The following COL5A2 variants were observed in gnomAD, a reference collection of about 807,000 sequenced individuals.
COL5A2 encodes collagen type V alpha 2 chain, also known as collagen alpha-2(V) chain.
Under a neutral mutation model 208.2 loss-of-function variants are expected in COL5A2, and 23 were observed. The observed-to-expected ratio is 0.11, with a 90% CI of 0.08 to 0.16. The LOEUF (loss-of-function observed/expected upper bound fraction) is 0.16, where lower values mean the gene tolerates loss of function less well. Among genes scored for constraint, COL5A2 ranks in the 10% least tolerant of loss-of-function variants. The pLI is 1.00. For missense variants in COL5A2, 1,590 were observed against 1,956.4 expected (o/e 0.81, Z 3.53); for synonymous variants, 625 against 628.5 (o/e 0.99, Z 0.08).
At chr2:189,077,164 T>C (rs536838185) in intron 16 of COL5A2, among the ~76,000 whole-genome samples, 1 of 152,232 alleles carries the variant, frequency 6.6e-6, no homozygotes, top group Admixed American at 6.5e-5. Context: ...TAGTTGGTAG[T>C]TCTCTCTTGT....
chr2:189,044,902 C>T (rs180755716), intron 47 of COL5A2, among the ~76,000 whole-genome samples: 2 of 152,150 alleles, frequency 1.3e-5, no homozygotes, highest in Admixed American at 1.3e-4. Context: ...GAGAAATGCA[C>T]TATAATTCCT....
the COL5A2 span, among the ~76,000 whole-genome samples, chr2:189,255,321 A>G: frequency 6.6e-6 from 1 of 152,240 alleles, no homozygotes; most frequent in African/African-American, 2.4e-5. Flanking sequence ...ACATTTGTGT[A>G]GTCATTCAAC....
the COL5A2 span, among the ~76,000 whole-genome samples, chr2:189,376,773 C>T: frequency 6.6e-6 from 1 of 152,086 alleles, no homozygotes; most frequent in African/African-American, 2.4e-5. Flanking sequence ...TTGACACAGG[C>T]AAAGCACTTA....
intron 6 of COL5A2, among the ~76,000 whole-genome samples, chr2:189,096,563 A>G (rs1686915612): frequency 6.8e-6 from 1 of 147,326 alleles, no homozygotes; most frequent in Admixed American, 6.9e-5. Flanking sequence ...CGGAGCTTGC[A>G]GTGAGCCGAG....
the COL5A2 span, among the ~76,000 whole-genome samples, chr2:189,417,118 A>G: frequency 6.6e-6 from 1 of 152,274 alleles, no homozygotes; most frequent in African/African-American, 2.4e-5. Flanking sequence ...TAAATTTTAA[A>G]CGTTCTTCTA....
At chr2:189,345,950 A>G in the COL5A2 span, among the ~76,000 whole-genome samples, 6 of 152,350 alleles carry the variant, frequency 3.9e-5, 1 homozygote, top group African/African-American at 1.4e-4. Flanking sequence ...GGATGTATGA[A>G]TAAATATTAA....
chr2:189,256,683 G>T, the COL5A2 span, among the ~76,000 whole-genome samples: 1 of 151,942 alleles, frequency 6.6e-6, no homozygotes, highest in African/African-American at 2.4e-5. Context: ...ATAGAGTCTC[G>T]CTCTGTTGCC....
intron 32 of COL5A2, 66 bp from the exon 33 acceptor site, chr2:189,058,593 G>A: frequency 1.4e-6 from 2 of 1,407,390 alleles, no homozygotes; most frequent in Non-Finnish European, 1.0e-6. Context: ...AAATGTTTCT[G>A]AGAAATGGCT....
intron 1 of COL5A2, among the ~76,000 whole-genome samples, chr2:189,143,992 T>C (rs1687989838): frequency 6.6e-6 from 1 of 152,072 alleles, no homozygotes; most frequent in African/African-American, 2.4e-5. Context: ...ATCGCCAGGG[T>C]AGAATTTTAA....
At chr2:189,105,669 T>C (rs892722993) in intron 2 of COL5A2, among the ~76,000 whole-genome samples, 2 of 151,488 alleles carry the variant, frequency 1.3e-5, no homozygotes, top group Non-Finnish European at 3.0e-5. Context: ...CAAATGTTTA[T>C]TATTTTTGTA....
At chr2:189,250,036 A>C in the COL5A2 span, among the ~76,000 whole-genome samples, 15 of 152,320 alleles carry the variant, frequency 9.8e-5, 1 homozygote, top group East Asian at 2.7e-3. Flanking sequence ...TATGGTTGTA[A>C]ATGAAGAAGG....
intron 1 of COL5A2, among the ~76,000 whole-genome samples, chr2:189,211,398 C>T (rs1689211331): frequency 6.6e-6 from 1 of 152,098 alleles, no homozygotes; most frequent in Non-Finnish European, 1.5e-5. Flanking sequence ...CTTTTCTCAC[C>T]TTAAGTTTAA....
At chr2:189,253,607 G>A in the COL5A2 span, among the ~76,000 whole-genome samples, 1 of 152,108 alleles carries the variant, frequency 6.6e-6, no homozygotes, top group Admixed American at 6.6e-5. Flanking sequence ...TCTTCATGCC[G>A]TCTCTTTCAG....
the COL5A2 span, among the ~76,000 whole-genome samples, chr2:189,241,328 AT>A: frequency 5.7e-4 from 87 of 152,208 alleles, 2 homozygotes; most frequent in Non-Finnish European, 2.4e-4. Flanking sequence ...ACTAGACAAT[AT>A]ATTGATGTAA....
intron 1 of COL5A2, among the ~76,000 whole-genome samples, chr2:189,220,910 A>G (rs1321811112): frequency 1.3e-5 from 2 of 152,130 alleles, no homozygotes; most frequent in Non-Finnish European, 2.9e-5. Flanking sequence ...TTCAGTGCTT[A>G]TCTCTTCCCT....
At chr2:189,344,015 G>C in the COL5A2 span, among the ~76,000 whole-genome samples, 1 of 151,988 alleles carries the variant, frequency 6.6e-6, no homozygotes, top group Non-Finnish European at 1.5e-5. Context: ...AAAATTGCTT[G>C]GACTTATTTA....
At chr2:189,433,757 G>A in the COL5A2 span, among the ~76,000 whole-genome samples, 121,528 of 151,474 alleles carry the variant, frequency 0.8, 50,199 homozygotes, top group Non-Finnish European at 0.91. Context: ...AGAGATACAA[G>A]GAGGAACTGG....
chr2:189,202,076 G>T (rs1559144576), intron 1 of COL5A2, among the ~76,000 whole-genome samples: 1 of 151,578 alleles, frequency 6.6e-6, no homozygotes, highest in African/African-American at 2.4e-5. Context: ...GCTGGTAAGA[G>T]ATTAAAGATA....
chr2:189,086,247 T>C (rs1344112173), intron 9 of COL5A2, among the ~76,000 whole-genome samples: 2 of 152,190 alleles, frequency 1.3e-5, no homozygotes, highest in Non-Finnish European at 2.9e-5. Flanking sequence ...TAAATAAAAA[T>C]AGTTCTACAT....
Sources: allele counts gnomAD v4.1 joint callset (sites outside exome capture counted in the v4.1 genomes callset), GRCh38; gene constraint gnomAD v4.1.1; transcripts MANE v1.5; gene names NCBI Gene and HGNC (gene_info 2026-07-23, HGNC 2026-07-21).